Variants in GMDS observed in about 807,000 individuals in gnomAD.
The protein encoded by GMDS is GDP-mannose 4,6-dehydratase, also known as GDP-mannose 4,6 dehydratase.
Under a neutral mutation model 49.9 loss-of-function variants are expected in GMDS, and 20 were observed. That is an observed-to-expected ratio of 0.40 (90% CI 0.28 to 0.58). GMDS has a LOEUF of 0.58. Ranked by LOEUF, GMDS falls within the 20% of genes least tolerant of loss-of-function variation. The probability of loss-of-function intolerance (pLI) is 0.42; values close to 1 mark genes in which losing one functional copy is unlikely to be tolerated. For synonymous variants in GMDS, 177 were observed against 178.6 expected (o/e 0.99, Z 0.07); for missense variants, 362 against 481.4 (o/e 0.75, Z 2.32).
intron 1 of GMDS, among the ~76,000 whole-genome samples, chr6:2,224,116 T>C (rs998595994): frequency 6.6e-6 from 1 of 152,142 alleles, no homozygotes; most frequent in South Asian, 2.1e-4. Context: ...TTAGAAGATC[T>C]TATATAACAA....
chr6:1,925,577 C>T (rs1275146407), intron 7 of GMDS, among the ~76,000 whole-genome samples: 4 of 152,202 alleles, frequency 2.6e-5, no homozygotes, highest in African/African-American at 9.6e-5. Context: ...ATAACCAGCA[C>T]CCACCTCACA....
chr6:2,178,783 T>C (rs1420421549), intron 1 of GMDS, among the ~76,000 whole-genome samples: 2 of 152,230 alleles, frequency 1.3e-5, no homozygotes, highest in East Asian at 1.9e-4. Context: ...AATTTTCATA[T>C]TTAATTCCCC....
chr6:2,190,115 A>T (rs553832605), intron 1 of GMDS, among the ~76,000 whole-genome samples: 12 of 152,350 alleles, frequency 7.9e-5, no homozygotes, highest in African/African-American at 2.4e-4. Flanking sequence ...TCAACTTTTA[A>T]TAAAGTACAA....
At chr6:1,716,722 C>G (rs6596845) in intron 9 of GMDS, among the ~76,000 whole-genome samples, 143 of 152,286 alleles carry the variant, frequency 9.4e-4, no homozygotes, top group African/African-American at 3.3e-3. Context: ...TCTGTTCATG[C>G]GGCTGGTTCA....
chr6:1,714,160 G>A (rs576160475), intron 9 of GMDS, among the ~76,000 whole-genome samples: 1 of 152,102 alleles, frequency 6.6e-6, no homozygotes, highest in Non-Finnish European at 1.5e-5. Context: ...TGGGACTACA[G>A]GCGCCCACCA....
At chr6:2,176,937 C>T (rs1446707903) in intron 1 of GMDS, among the ~76,000 whole-genome samples, 2 of 152,092 alleles carry the variant, frequency 1.3e-5, no homozygotes, top group Non-Finnish European at 2.9e-5. Flanking sequence ...CCTAAGCAGG[C>T]AGCAGTGACA....
intron 1 of GMDS, among the ~76,000 whole-genome samples, chr6:2,153,606 T>C (rs1390406135): frequency 6.6e-6 from 1 of 152,142 alleles, no homozygotes; most frequent in African/African-American, 2.4e-5. Context: ...TACTGATCCC[T>C]ACTCAAAATG....
intron 4 of GMDS, among the ~76,000 whole-genome samples, chr6:1,981,230 G>GC (rs1014575434): frequency 4.3e-5 from 6 of 140,690 alleles, no homozygotes; most frequent in African/African-American, 1.4e-4. Flanking sequence ...GAAAAAACCT[G>GC]CAAAAAAAAA....
intron 1 of GMDS, among the ~76,000 whole-genome samples, chr6:2,142,703 C>G (rs564661487): frequency 6.6e-6 from 1 of 152,246 alleles, no homozygotes; most frequent in South Asian, 2.1e-4. Flanking sequence ...TATGGCAGCC[C>G]TAGTGGACTA....
intron 4 of GMDS, among the ~76,000 whole-genome samples, chr6:2,065,089 C>A (rs1037349512): frequency 6.6e-6 from 1 of 152,126 alleles, no homozygotes; most frequent in East Asian, 1.9e-4. Context: ...GACAGGCAGA[C>A]TGCCTCCTCA....
intron 8 of GMDS, among the ~76,000 whole-genome samples, chr6:1,732,139 A>G (rs1368382003): frequency 1.3e-5 from 2 of 152,176 alleles, no homozygotes; most frequent in African/African-American, 4.8e-5. Context: ...CATCCTGGCC[A>G]ACATGGTGAA....
At position 2,228,813 on chromosome 6, in the gene GMDS, C is replaced by A. The variant is rs234936; in HGVS notation, c.102+16508G>T. On this transcript the variant is annotated intron_variant, in intron 1 of 10. Coordinates refer to ENST00000380815, the MANE Select transcript of GMDS (RefSeq NM_001500.4). ...TTTGCCCCTGGAATTAGCCCCAATA[C>A]CCCCCGTTGACAGCTTCAACAAGTG... Among the ~76,000 whole-genome samples the A allele has an allele frequency of 2.9e-3, 443 of 152,242 alleles. 1 individual carries two copies. The highest frequency in any genetic ancestry group is 4.6e-3 in the Non-Finnish European group (311 of 68,026).
At chr6:1,839,447 T>C (rs768342416) in intron 7 of GMDS, among the ~76,000 whole-genome samples, 4 of 152,220 alleles carry the variant, frequency 2.6e-5, no homozygotes, top group Admixed American at 6.5e-5. Context: ...TCAAATTTAT[T>C]TCCCTTTGGT....
intron 4 of GMDS, among the ~76,000 whole-genome samples, chr6:1,977,503 A>C (rs1417837697): frequency 6.6e-6 from 1 of 152,198 alleles, no homozygotes; most frequent in African/African-American, 2.4e-5. Flanking sequence ...GCTGCAGTCC[A>C]TGGCACTCAT....
chr6:2,073,853 T>C (rs1417017414), intron 4 of GMDS, among the ~76,000 whole-genome samples: 1 of 152,236 alleles, frequency 6.6e-6, no homozygotes, highest in East Asian at 1.9e-4. Flanking sequence ...CATTATGTTT[T>C]ACGGCCAAAT....
At chr6:1,864,635 T>C (rs966504987) in intron 7 of GMDS, among the ~76,000 whole-genome samples, 10 of 152,178 alleles carry the variant, frequency 6.6e-5, no homozygotes, top group African/African-American at 2.4e-4. Flanking sequence ...GGTGATGAAC[T>C]CAGGATAAAA....
At chr6:1,767,844 G>T (rs1347781649) in intron 7 of GMDS, among the ~76,000 whole-genome samples, 1 of 152,084 alleles carries the variant, frequency 6.6e-6, no homozygotes, top group African/African-American at 2.4e-5. Context: ...ACAAGGGAGA[G>T]AGTTTCATTA....
intron 4 of GMDS, among the ~76,000 whole-genome samples, chr6:2,084,334 CAT>C (rs995477715): frequency 5.9e-5 from 9 of 152,228 alleles, no homozygotes; most frequent in Non-Finnish European, 8.8e-5. Context: ...ACCCCATAAA[CAT>C]ACCCTTTTTC....
At chr6:2,095,136 G>A (rs1189246522) in intron 4 of GMDS, among the ~76,000 whole-genome samples, 1 of 152,100 alleles carries the variant, frequency 6.6e-6, no homozygotes, top group Non-Finnish European at 1.5e-5. Context: ...AAATCAGGTG[G>A]TACCTTACAA....
Sources: gnomAD v4.1 joint callset for allele counts (sites outside exome capture counted in the v4.1 genomes callset) on GRCh38, gnomAD v4.1.1 for gene constraint, MANE v1.5 for transcripts, NCBI Gene and HGNC (gene_info 2026-07-23, HGNC 2026-07-21) for gene names.